DPP6: variants seen among roughly 807,000 people sequenced by gnomAD.
The protein encoded by DPP6 is A-type potassium channel modulatory protein DPP6.
A neutral mutation model predicts 122.6 loss-of-function variants in DPP6; 69 were observed. That is an observed-to-expected ratio of 0.56 (90% CI 0.46 to 0.69). The LOEUF (loss-of-function observed/expected upper bound fraction) is 0.69. Ranked by LOEUF, DPP6 falls within the 30% of genes least tolerant of loss-of-function variation. The pLI, the probability that DPP6 is intolerant of heterozygous loss-of-function variation, is 0.00. For missense variants in DPP6, 928 were observed against 1,116.9 expected (o/e 0.83, Z 2.41); for synonymous variants, 418 against 433.1 (o/e 0.97, Z 0.43).
chr7:153,879,641 C>A, the DPP6 span, among the ~76,000 whole-genome samples: 21 of 152,082 alleles, frequency 1.4e-4, no homozygotes, highest in African/African-American at 5.1e-4. Flanking sequence ...CCACCTGCGT[C>A]GGCCCTCAAA....
At chr7:153,803,964 A>T in the DPP6 span, among the ~76,000 whole-genome samples, 1 of 151,418 alleles carries the variant, frequency 6.6e-6, no homozygotes, top group African/African-American at 2.4e-5. Flanking sequence ...TTACTCCCCA[A>T]GAATTTCAAG....
intron 17 of DPP6, among the ~76,000 whole-genome samples, chr7:154,857,233 G>T (rs1248529895): frequency 6.6e-6 from 1 of 152,206 alleles, no homozygotes; most frequent in South Asian, 2.1e-4. Context: ...CAGGAGGACA[G>T]TAGGGGTCCC....
chr7:154,336,241 T>C (rs1347729174), intron 1 of DPP6, among the ~76,000 whole-genome samples: 2 of 152,134 alleles, frequency 1.3e-5, no homozygotes, highest in African/African-American at 2.4e-5. Context: ...GAAGTCTCAG[T>C]GATCTGTGAC....
chr7:154,201,844 C>A (rs1027009793), intron 1 of DPP6, among the ~76,000 whole-genome samples: 8 of 152,226 alleles, frequency 5.3e-5, no homozygotes, highest in Non-Finnish European at 4.4e-5. Flanking sequence ...CTGAAACCAT[C>A]ACTTAAGCAC....
At chr7:154,749,179 G>A (rs1265450699) in intron 8 of DPP6, among the ~76,000 whole-genome samples, 1,255 of 117,872 alleles carry the variant, frequency 0.011, 10 homozygotes, top group Non-Finnish European at 0.013. Flanking sequence ...AGGACAGGAG[G>A]GAGAGGGATG....
At chr7:154,536,856 T>C (rs1828300524) in intron 3 of DPP6, among the ~76,000 whole-genome samples, 1 of 152,198 alleles carries the variant, frequency 6.6e-6, no homozygotes, top group Admixed American at 6.6e-5. Flanking sequence ...TCTCAAATTG[T>C]ACTGCAACAA....
intron 1 of DPP6, among the ~76,000 whole-genome samples, chr7:154,329,390 T>G (rs1019424186): frequency 4.6e-5 from 7 of 152,260 alleles, no homozygotes; most frequent in African/African-American, 1.7e-4. Flanking sequence ...GCTGCATAAA[T>G]GTCTTCTTTT....
the DPP6 span, among the ~76,000 whole-genome samples, chr7:153,877,670 T>C: frequency 6.6e-6 from 1 of 152,174 alleles, no homozygotes; most frequent in Admixed American, 6.5e-5. Flanking sequence ...GTATGACCAA[T>C]CTTATTAATT....
chr7:154,695,119 G>A (rs1405008936), intron 7 of DPP6, among the ~76,000 whole-genome samples: 1 of 152,212 alleles, frequency 6.6e-6, no homozygotes, highest in Non-Finnish European at 1.5e-5. Context: ...ATCAAATGAA[G>A]GGAAGACTAC....
chr7:154,580,742 G>A (rs368615445), intron 5 of DPP6, among the ~76,000 whole-genome samples: 3 of 152,272 alleles, frequency 2.0e-5, no homozygotes, highest in Admixed American at 6.5e-5. Context: ...AGGAGGATCC[G>A]GGGTGAAGAA....
chr7:153,773,347 G>A, the DPP6 span, among the ~76,000 whole-genome samples: 1 of 143,230 alleles, frequency 7.0e-6, no homozygotes, highest in East Asian at 2.0e-4. Context: ...TTTAAAGCAG[G>A]CATAATATTG....
chr7:154,660,593 G>A (rs112424699), intron 6 of DPP6, among the ~76,000 whole-genome samples: 1 of 135,944 alleles, frequency 7.4e-6, no homozygotes, highest in Non-Finnish European at 1.6e-5. Context: ...TGTTCATATA[G>A]TCATGGTGAA....
the DPP6 span, among the ~76,000 whole-genome samples, chr7:153,776,523 CT>C: frequency 0.018 from 2,665 of 152,230 alleles, 32 homozygotes; most frequent in South Asian, 0.042. Flanking sequence ...AATTAAACCT[CT>C]ATTCTTTATA....
chr7:153,813,475 G>A, the DPP6 span, among the ~76,000 whole-genome samples: 190 of 152,114 alleles, frequency 1.2e-3, 2 homozygotes, highest in East Asian at 4.1e-3. Context: ...GAATAGTGCC[G>A]CAATAAACAT....
intron 16 of DPP6, among the ~76,000 whole-genome samples, chr7:154,823,725 T>A (rs955234496): frequency 4.6e-5 from 7 of 152,136 alleles, no homozygotes; most frequent in Admixed American, 1.3e-4. Context: ...GGATCCCTTT[T>A]TGGATTATTT....
intron 10 of DPP6, among the ~76,000 whole-genome samples, chr7:154,791,181 G>T (rs1473471732): frequency 6.6e-6 from 1 of 152,102 alleles, no homozygotes; most frequent in Non-Finnish European, 1.5e-5. Flanking sequence ...GAACCTGGGA[G>T]GTACAGGTTG....
At chr7:154,032,159 C>A (rs1303156906) in intron 1 of DPP6, among the ~76,000 whole-genome samples, 3 of 151,910 alleles carry the variant, frequency 2.0e-5, no homozygotes, top group South Asian at 2.1e-4. Flanking sequence ...CAGGCATGAG[C>A]AGGAGTCCCA....
intron 1 of DPP6, among the ~76,000 whole-genome samples, chr7:153,995,006 A>C (rs1267390125): frequency 6.6e-6 from 1 of 152,228 alleles, no homozygotes; most frequent in Non-Finnish European, 1.5e-5. Context: ...TCAAAAGTAC[A>C]ATGTCTTTTA....
intron 16 of DPP6, among the ~76,000 whole-genome samples, chr7:154,835,216 G>T (rs1047454515): frequency 2.6e-5 from 4 of 152,146 alleles, no homozygotes; most frequent in Admixed American, 6.5e-5. Flanking sequence ...GATACGAGGG[G>T]TGGCCTTCCA....
Sources: allele counts gnomAD v4.1 joint callset (sites outside exome capture counted in the v4.1 genomes callset), GRCh38; gene constraint gnomAD v4.1.1; transcripts MANE v1.5; gene names NCBI Gene and HGNC (gene_info 2026-07-23, HGNC 2026-07-21).